Variants in SMC5 observed in about 807,000 individuals in gnomAD.
SMC5 encodes the protein structural maintenance of chromosomes protein 5.
A neutral mutation model predicts 148.3 loss-of-function variants in SMC5; 88 were observed. That is an observed-to-expected ratio of 0.59 (90% CI 0.50 to 0.71). SMC5 has a LOEUF of 0.71. Among genes scored for constraint, SMC5 ranks in the 30% least tolerant of loss-of-function variants. SMC5 has a pLI of 0.00. For missense variants in SMC5, 1,142 were observed against 1,298.9 expected (o/e 0.88, Z 1.86); for synonymous variants, 421 against 432.8 (o/e 0.97, Z 0.34).
intron 1 of SMC5, among the ~76,000 whole-genome samples, chr9:70,263,668 T>C (rs1319023324): frequency 1.3e-5 from 2 of 152,228 alleles, no homozygotes; most frequent in African/African-American, 4.8e-5. Flanking sequence ...TTTTGTTTTG[T>C]AGGGCAGTGT....
intron 4 of SMC5, 60 bp from the exon 5 acceptor site, chr9:70,278,431 A>G: frequency 1.3e-6 from 2 of 1,524,614 alleles, no homozygotes; most frequent in Non-Finnish European, 8.9e-7. Context: ...TGAGTGAAAT[A>G]CATTTTGAAG....
At chr9:70,336,165 C>T (rs1049584455) in intron 17 of SMC5, among the ~76,000 whole-genome samples, 1 of 152,034 alleles carries the variant, frequency 6.6e-6, no homozygotes, top group Non-Finnish European at 1.5e-5. Context: ...TATAGGGGTG[C>T]CTTTTTGTGG....
At chr9:70,301,935 A>G (rs1046470794) in intron 10 of SMC5, among the ~76,000 whole-genome samples, 2 of 152,190 alleles carry the variant, frequency 1.3e-5, no homozygotes, top group Non-Finnish European at 2.9e-5. Flanking sequence ...TCCTATATCT[A>G]CCTATCTTTA....
At chr9:70,277,665 A>T (rs185892897) in intron 4 of SMC5, among the ~76,000 whole-genome samples, 193 bp downstream of exon 4, 9 of 152,244 alleles carry the variant, frequency 5.9e-5, no homozygotes. Context: ...TTCAATTAGT[A>T]AAAAAGTCTA....
At chr9:70,341,619 C>T (rs2036525953) in intron 17 of SMC5, among the ~76,000 whole-genome samples, 1 of 152,188 alleles carries the variant, frequency 6.6e-6, no homozygotes, top group South Asian at 2.1e-4. Flanking sequence ...CTTTTCATAA[C>T]TATTGTCTTG....
intron 8 of SMC5, among the ~76,000 whole-genome samples, chr9:70,293,317 C>T (rs1399435898): frequency 6.6e-6 from 1 of 151,878 alleles, no homozygotes; most frequent in Non-Finnish European, 1.5e-5. Context: ...ATTCCTGATA[C>T]TGGCAATTCC....
chr9:70,277,269 A>G (rs1478950950), intron 3 of SMC5, 41 bp from the exon 4 acceptor site: 4 of 1,343,536 alleles, frequency 3.0e-6, no homozygotes, highest in Non-Finnish European at 3.9e-6. Flanking sequence ...ACTAATGTAT[A>G]TATTTTGAAT....
intron 11 of SMC5, among the ~76,000 whole-genome samples, chr9:70,309,445 C>T (rs1320544144): frequency 6.9e-6 from 1 of 145,872 alleles, no homozygotes; most frequent in African/African-American, 2.5e-5. Context: ...CAGCCTAGAA[C>T]TTCTTTCAAA....
intron 8 of SMC5, among the ~76,000 whole-genome samples, chr9:70,288,455 TTTA>T (rs149240317): frequency 0.012 from 1,828 of 152,216 alleles, 31 homozygotes; most frequent in South Asian, 0.07. Context: ...AAAAATCAAC[TTTA>T]TTTTTTGTTG....
intron 8 of SMC5, among the ~76,000 whole-genome samples, chr9:70,291,426 A>G (rs2035058142): frequency 6.6e-6 from 1 of 152,196 alleles, no homozygotes; most frequent in African/African-American, 2.4e-5. Flanking sequence ...CACAACCACA[A>G]AGTGAAACAG....
intron 3 of SMC5, among the ~76,000 whole-genome samples, chr9:70,272,762 A>G (rs1368774316): frequency 6.6e-6 from 1 of 152,208 alleles, no homozygotes; most frequent in Non-Finnish European, 1.5e-5. Flanking sequence ...GAGATTGAAC[A>G]TAGGGAAAAC....
At chr9:70,333,634 G>A (rs1389660884) in intron 17 of SMC5, among the ~76,000 whole-genome samples, 2 of 152,192 alleles carry the variant, frequency 1.3e-5, no homozygotes, top group Non-Finnish European at 2.9e-5. Flanking sequence ...GGGAGGCTGA[G>A]ACAGGAGGAT....
At chr9:70,323,856 A>G (rs914755524) in intron 16 of SMC5, among the ~76,000 whole-genome samples, 165 bp from the exon 17 acceptor site, 5 of 152,182 alleles carry the variant, frequency 3.3e-5, no homozygotes, top group African/African-American at 1.2e-4. Context: ...AACAAAGGAA[A>G]ACACTTTCTA....
At chr9:70,262,959 CA>C (rs34606031) in intron 1 of SMC5, among the ~76,000 whole-genome samples, 179 of 141,378 alleles carry the variant, frequency 1.3e-3, no homozygotes, top group African/African-American at 2.0e-3. Context: ...CTACCCCCGC[CA>C]AAAAAAAAAA....
At chr9:70,277,729 G>C (rs1422223672) in intron 4 of SMC5, among the ~76,000 whole-genome samples, 1 of 152,044 alleles carries the variant, frequency 6.6e-6, no homozygotes, top group Non-Finnish European at 1.5e-5. Flanking sequence ...GAGTGGCTCA[G>C]ATAGCTATGT....
At chr9:70,344,014 GAA>G (rs1459272677) in intron 17 of SMC5, 128 bp from the exon 18 acceptor site, 34 of 530,910 alleles carry the variant, frequency 6.4e-5, no homozygotes, top group Non-Finnish European at 9.8e-5. Context: ...CATTATTTAA[GAA>G]ACAGTTTCAG....
At chr9:70,348,352 T>C (rs1408226450) in intron 22 of SMC5, among the ~76,000 whole-genome samples, 2 of 152,126 alleles carry the variant, frequency 1.3e-5, no homozygotes, top group Admixed American at 1.3e-4. Flanking sequence ...ACAGATTAGT[T>C]TGAAATATAG....
chr9:70,277,318 C>T lies in SMC5; in HGVS notation c.389C>T (p.Ala130Val). 1 of 1,555,454 alleles carries T rather than the reference C, an allele frequency of 6.4e-7. No homozygotes were observed. The highest frequency in any genetic ancestry group is 8.7e-7 in the Non-Finnish European group (1 of 1,154,584). Residue 130 changes from alanine to valine, a missense_variant, in exon 4 of 25, where the codon GCT (alanine) becomes GTT (valine). Coordinates refer to ENST00000361138, the MANE Select transcript of SMC5 (RefSeq NM_015110.4). ...RGMVEIELFR[A>V]SGNLVITREI... ...AATTATTTTTTAATTAGGTTCAGGG[C>T]TTCTGGAAATCTTGTAATCACCCGT...
intron 13 of SMC5, among the ~76,000 whole-genome samples, chr9:70,315,886 A>T (rs1311830793): frequency 6.6e-6 from 1 of 152,080 alleles, no homozygotes; most frequent in Non-Finnish European, 1.5e-5. Flanking sequence ...TTGCTTGGTA[A>T]ATCTATGTTC....
Sources: gnomAD v4.1 joint callset for allele counts (sites outside exome capture counted in the v4.1 genomes callset) on GRCh38, gnomAD v4.1.1 for gene constraint, MANE v1.5 for transcripts, NCBI Gene and HGNC (gene_info 2026-07-23, HGNC 2026-07-21) for gene names.